The following SEMA6D variants were observed in gnomAD, a reference collection of about 807,000 sequenced individuals.
SEMA6D encodes semaphorin-6D.
Under a neutral mutation model 106.6 loss-of-function variants are expected in SEMA6D, and 35 were observed. The ratio of observed to expected loss-of-function variants is 0.33; its 90% CI spans 0.25 to 0.44. The LOEUF (loss-of-function observed/expected upper bound fraction) is 0.44. Among genes scored for constraint, SEMA6D ranks in the 20% least tolerant of loss-of-function variants. The probability of loss-of-function intolerance (pLI) is 1.00; values close to 1 mark genes in which losing one functional copy is unlikely to be tolerated. For synonymous variants in SEMA6D, 499 were observed against 487.7 expected, an observed-to-expected ratio of 1.02 and a Z score of -0.31; for missense variants, 1,185 against 1,345.9, an observed-to-expected ratio of 0.88 and a Z score of 1.87.
At chr15:47,201,708 T>C (rs1307500123) in intron 1 of SEMA6D, among the ~76,000 whole-genome samples, 1 of 152,140 alleles carries the variant, frequency 6.6e-6, no homozygotes, top group African/African-American at 2.4e-5. Flanking sequence ...TTCCAGAAAC[T>C]GGCCTTAAGA....
At chr15:47,461,722 A>G (rs1052032869) in intron 2 of SEMA6D, among the ~76,000 whole-genome samples, 5 of 152,080 alleles carry the variant, frequency 3.3e-5, no homozygotes, top group African/African-American at 1.2e-4. Context: ...TCTAGTCCTC[A>G]TATGTTAATT....
At chr15:47,411,171 C>T (rs1351205795) in intron 1 of SEMA6D, among the ~76,000 whole-genome samples, 2 of 152,128 alleles carry the variant, frequency 1.3e-5, no homozygotes, top group Non-Finnish European at 2.9e-5. Flanking sequence ...TCTCGGCTCA[C>T]TGCAACCTCG....
In SEMA6D at chr15:47,765,206, G is replaced by C. The variant is rs113712740; in HGVS notation, c.1427+150G>C. On this transcript the variant is annotated intron_variant, in intron 13 of 18. Transcript: ENST00000536845. ...TTTTTCTCATTGAAATAAATCTTGGGTTTGTTTTTTTCCCGAGCCTGCTAG... is the reference window on the plus strand; with the variant it reads ...TTTTTCTCATTGAAATAAATCTTGGCTTTGTTTTTTTCCCGAGCCTGCTAG... The C allele has an allele frequency of 2.8e-6, 4 of 1,417,624 alleles. No homozygotes were observed. The East Asian group carries it at 1.0e-4, about 36-fold the overall frequency. 87.8% of individuals were successfully genotyped at this position (1,417,624 alleles called of 1,614,324 possible).
At chr15:47,254,414 C>G (rs1254250839) in intron 1 of SEMA6D, among the ~76,000 whole-genome samples, 1 of 150,850 alleles carries the variant, frequency 6.6e-6, no homozygotes, top group Non-Finnish European at 1.5e-5. Flanking sequence ...TTTGGATGCC[C>G]TTTATTTCTT....
At chr15:47,533,682 C>G (rs2045054348) in intron 3 of SEMA6D, among the ~76,000 whole-genome samples, 1 of 152,102 alleles carries the variant, frequency 6.6e-6, no homozygotes, top group African/African-American at 2.4e-5. Context: ...TTGACTGTGC[C>G]CCCACCAGAC....
At chr15:47,443,026 CAA>C (rs2041927848) in intron 2 of SEMA6D, among the ~76,000 whole-genome samples, 1 of 152,098 alleles carries the variant, frequency 6.6e-6, no homozygotes, top group Non-Finnish European at 1.5e-5. Flanking sequence ...CAGATTATTA[CAA>C]GAGAGAGCAC....
At chr15:47,766,326 G>A (rs544568360) in intron 15 of SEMA6D, 144 bp downstream of exon 15, 15 of 720,658 alleles carry the variant, frequency 2.1e-5, no homozygotes, top group South Asian at 8.0e-5. Context: ...ACCAGGAGAC[G>A]TGACAAGGAA....
intron 1 of SEMA6D, among the ~76,000 whole-genome samples, chr15:47,233,036 T>A (rs2032309223): frequency 1.3e-5 from 2 of 152,036 alleles, no homozygotes; most frequent in African/African-American, 4.8e-5. Flanking sequence ...CATAAATATT[T>A]ATACCTGAAT....
At chr15:47,568,492 T>C (rs1386330134) in intron 3 of SEMA6D, among the ~76,000 whole-genome samples, 1 of 151,996 alleles carries the variant, frequency 6.6e-6, no homozygotes, top group East Asian at 1.9e-4. Flanking sequence ...CCTGGGCCCA[T>C]TACATTACAT....
chr15:47,485,573 C>G (rs988539345), intron 3 of SEMA6D, among the ~76,000 whole-genome samples: 1 of 152,152 alleles, frequency 6.6e-6, no homozygotes, highest in Non-Finnish European at 1.5e-5. Context: ...ATGGCAGGCT[C>G]CATTATATTA....
chr15:47,552,852 AAATATATATATATTTTTAT>A (rs2045773231), intron 3 of SEMA6D, among the ~76,000 whole-genome samples: 1 of 75,516 alleles, frequency 1.3e-5, no homozygotes, highest in African/African-American at 9.7e-5. Flanking sequence ...AAATATATAT[AAATATATATATATTTTTAT>A]ATATATATAA....
At chr15:47,213,307 T>C (rs1408068545) in intron 1 of SEMA6D, among the ~76,000 whole-genome samples, 1 of 152,222 alleles carries the variant, frequency 6.6e-6, no homozygotes, top group East Asian at 1.9e-4. Context: ...TGAGGTTTAG[T>C]GTGGCTACAG....
intron 1 of SEMA6D, among the ~76,000 whole-genome samples, chr15:47,262,405 C>T (rs568686278): frequency 6.6e-6 from 1 of 152,040 alleles, no homozygotes; most frequent in South Asian, 2.1e-4. Context: ...CTGGGGAGGC[C>T]TCAGGAAATT....
intron 3 of SEMA6D, among the ~76,000 whole-genome samples, chr15:47,549,742 G>A (rs1292804678): frequency 6.6e-6 from 1 of 152,068 alleles, no homozygotes; most frequent in African/African-American, 2.4e-5. Flanking sequence ...AAATGAAGAT[G>A]ATTATAAACA....
rs1378034221 is a variant in SEMA6D at position 47,494,743 on chromosome 15, T to TAG, written c.-87+24199_-87+24200insGA. ...AAAAATCTGGAGAGTGGGATGGAGA[T>TAG]ATATATATATATATATATATATATA... On this transcript the variant is annotated intron_variant, in intron 3 of 19. Transcript: ENST00000558014. 6.9e-3 allele frequency among the ~76,000 whole-genome samples: 160 copies of TAG among 23,082 alleles called. 2 individuals are homozygous for TAG. The highest frequency in any genetic ancestry group is 0.04 in the African/African-American group (123 of 3,058). The allele number at this position is 23,082 out of a possible 152,430, so 15.1% of individuals were successfully genotyped here.
At chr15:47,282,939 C>G (rs1426536557) in intron 1 of SEMA6D, among the ~76,000 whole-genome samples, 3 of 152,192 alleles carry the variant, frequency 2.0e-5, no homozygotes, top group African/African-American at 7.2e-5. Flanking sequence ...GCTGTGCCCC[C>G]TCTCTCCTGC....
intron 1 of SEMA6D, among the ~76,000 whole-genome samples, chr15:47,284,860 G>A (rs2142640948): frequency 6.6e-6 from 1 of 152,264 alleles, no homozygotes; most frequent in South Asian, 2.1e-4. Context: ...TAAACTGCCA[G>A]TTATTAGAGA....
At chr15:47,273,884 G>C (rs181382126) in intron 1 of SEMA6D, among the ~76,000 whole-genome samples, 36 of 152,288 alleles carry the variant, frequency 2.4e-4, no homozygotes, top group Admixed American at 6.5e-4. Context: ...TAAGTGATAG[G>C]CATAGTGGGG....
At chr15:47,424,532 C>T (rs188134) in intron 2 of SEMA6D, among the ~76,000 whole-genome samples, 2 of 152,116 alleles carry the variant, frequency 1.3e-5, no homozygotes, top group Non-Finnish European at 2.9e-5. Flanking sequence ...GAATAAATAT[C>T]TGAGACATTG....
Sources: allele counts gnomAD v4.1 joint callset (sites outside exome capture counted in the v4.1 genomes callset), GRCh38; gene constraint gnomAD v4.1.1; transcripts MANE v1.5; gene names NCBI Gene and HGNC (gene_info 2026-07-23, HGNC 2026-07-21).